The following EXTL3 variants were observed in gnomAD, a reference collection of about 807,000 sequenced individuals.
The protein encoded by EXTL3 is exostosin-like 3.
Under a neutral mutation model 69.3 loss-of-function variants are expected in EXTL3, and 27 were observed. That is an observed-to-expected ratio of 0.39 (90% CI 0.29 to 0.54). The LOEUF is 0.54. Ranked by LOEUF, EXTL3 falls within the 20% of genes least tolerant of loss-of-function variation. EXTL3 has a pLI of 0.69. For missense variants in EXTL3, 1,003 were observed against 1,231.8 expected (o/e 0.81, Z 2.78); for synonymous variants, 511 against 499.4 (o/e 1.02, Z -0.31).
At chr8:28,734,004 G>T (rs1172774493) in intron 4 of EXTL3, among the ~76,000 whole-genome samples, 1 of 151,738 alleles carries the variant, frequency 6.6e-6, no homozygotes, top group African/African-American at 2.4e-5. Flanking sequence ...TTTTAGTAGA[G>T]ACAGGGTTTC....
At chr8:28,697,945 A>G, upstream of EXTL3, 1 of 152,230 alleles carries the variant, frequency 6.6e-6, no homozygotes, top group Admixed American at 6.5e-5. Context: ...AAAATGTCAA[A>G]ATATGGAGAG....
intron 1 of EXTL3, among the ~76,000 whole-genome samples, chr8:28,707,540 G>GT (rs1800949027): frequency 6.6e-6 from 1 of 152,236 alleles, no homozygotes; most frequent in Admixed American, 6.5e-5. Context: ...GGATAGTGCT[G>GT]TTTGTCTTCC....
chr8:28,733,463 A>G (rs1048258378), intron 4 of EXTL3, among the ~76,000 whole-genome samples: 2 of 152,100 alleles, frequency 1.3e-5, no homozygotes, highest in Non-Finnish European at 2.9e-5. Flanking sequence ...CAGTGGTGCA[A>G]TCTTAGCATG....
intron 1 of EXTL3, among the ~76,000 whole-genome samples, chr8:28,708,678 T>C (rs1014606127): frequency 1.3e-5 from 2 of 152,160 alleles, no homozygotes; most frequent in African/African-American, 4.8e-5. Context: ...TGGAGAACTC[T>C]CTTTACCTAA....
chr8:28,676,556 T>A (rs1807385995), intron 1 of EXTL3, among the ~76,000 whole-genome samples: 1 of 152,230 alleles, frequency 6.6e-6, no homozygotes, highest in Admixed American at 6.5e-5. Context: ...AACTGGACAT[T>A]CTTAGGGCTC....
chr8:28,723,640 GTT>G (rs34831917), intron 3 of EXTL3, among the ~76,000 whole-genome samples: 11 of 120,894 alleles, frequency 9.1e-5, no homozygotes, highest in African/African-American at 9.3e-5. Context: ...GCTCAGGACT[GTT>G]TTTTTTTTTT....
upstream of EXTL3, chr8:28,697,512 C>T (rs992433018): frequency 6.6e-6 from 1 of 151,944 alleles, no homozygotes; most frequent in Non-Finnish European, 1.5e-5. Context: ...TCCTGCTTTT[C>T]CTAATTTTTG....
At chr8:28,689,315 G>A (rs981368727) in intron 1 of EXTL3, among the ~76,000 whole-genome samples, 3 of 151,914 alleles carry the variant, frequency 2.0e-5, no homozygotes, top group Non-Finnish European at 4.4e-5. Context: ...AACATTCTCC[G>A]GCTCCCCTAT....
intron 1 of EXTL3, among the ~76,000 whole-genome samples, chr8:28,693,267 A>T (rs2130681437): frequency 6.6e-6 from 1 of 150,934 alleles, no homozygotes; most frequent in East Asian, 2.0e-4. Flanking sequence ...CTCCTGCCTC[A>T]GGCTCCTAAG....
rs1191588878 is a variant in EXTL3 at position 28,752,995 on chromosome 8, C to T, written c.*2129C>T. On this transcript the variant is annotated 3_prime_UTR_variant, in exon 7 of 7. Transcript: ENST00000220562. Reference sequence around the variant, plus strand: ...GCCAGGGCCTCTCCCTTTAGTGGAGCCAGGTTGTCGGGCCCCGAATGTCAC... The same window carrying T: ...GCCAGGGCCTCTCCCTTTAGTGGAGTCAGGTTGTCGGGCCCCGAATGTCAC... 1.3e-5 allele frequency: 2 copies of T among 152,624 alleles called. No homozygotes were observed. Among genetic ancestry groups the T allele is most frequent in the African/African-American group, 4.8e-5 (2 of 41,426 alleles). 9.5% of individuals were successfully genotyped at this position (152,624 alleles called of 1,614,324 possible). A position where few individuals can be genotyped will look rare whatever the true frequency, so the allele number is the denominator to read the frequency against.
At position 28,694,646 on chromosome 8, in the gene EXTL3, G is replaced by A. The variant is rs566590535; in HGVS notation, c.-52-18811G>A. Among the ~76,000 whole-genome samples the A allele has an allele frequency of 5.3e-5, 8 of 152,248 alleles. No individual in the cohort carries two copies. The South Asian group carries it at 1.7e-3, about 32-fold the overall frequency. On this transcript the variant is annotated intron_variant, in intron 1 of 6. Coordinates refer to the EXTL3 transcript ENST00000523149. ...CATTTGTGACAAAGGACTAATAATG[G>A]TCCTTATTGTTTAGGGTCGTTAAAG...
chr8:28,745,301 C>G (rs1801866537), intron 6 of EXTL3, among the ~76,000 whole-genome samples: 2 of 152,204 alleles, frequency 1.3e-5, no homozygotes, highest in South Asian at 4.1e-4. Flanking sequence ...AACTGTGGCC[C>G]CTGCGTAGGA....
At chr8:28,637,773 A>G (rs1806679923) in intron 1 of EXTL3, among the ~76,000 whole-genome samples, 1 of 151,930 alleles carries the variant, frequency 6.6e-6, no homozygotes, top group African/African-American at 2.4e-5. Context: ...CATCCATCAA[A>G]ATCCGTCTTC....
intron 3 of EXTL3, among the ~76,000 whole-genome samples, chr8:28,719,794 A>AT (rs1202851846): frequency 1.3e-5 from 2 of 152,142 alleles, no homozygotes; most frequent in African/African-American, 4.8e-5. Flanking sequence ...ATTGTTTTCC[A>AT]TTTTTCCTGA....
In EXTL3 at chr8:28,691,572, A is replaced by ATTTTTTTTTTTTT. The variant is rs71222571; in HGVS notation, c.-52-21873_-52-21872insTTTTTTTTTTTTT. ...TGGTAAATATTTATCAGTTTTTGTGATTTTTTTTTTTTGCTATTGTGTTCC... is the reference window on the plus strand; with the variant it reads ...TGGTAAATATTTATCAGTTTTTGTGATTTTTTTTTTTTTTTTTTTTTTTTTGCTATTGTGTTCC... On this transcript the variant is annotated intron_variant, in intron 1 of 6. Coordinates refer to the EXTL3 transcript ENST00000523149. 1.8e-4 allele frequency among the ~76,000 whole-genome samples: 24 copies of ATTTTTTTTTTTTT among 135,482 alleles called. 3 individuals carry two copies. The highest frequency in any genetic ancestry group is 1.7e-3 in the South Asian group (8 of 4,608). The allele number at this position is 135,482 out of a possible 152,430, so 88.9% of individuals were successfully genotyped here. A position where few individuals can be genotyped will look rare whatever the true frequency, so the allele number is the denominator to read the frequency against.
rs758730179 is a variant in EXTL3 at position 28,717,340 on chromosome 8, C to T, written c.1281C>T (p.Leu427=). 5 of 1,614,102 alleles carry T rather than the reference C, an allele frequency of 3.1e-6. No homozygotes were observed. Among genetic ancestry groups the T allele is most frequent in the East Asian group, 2.2e-5 (1 of 44,876 alleles). ...EREDRLELLK[L]STFALIITPG... ...AGGACCGCTTGGAATTGCTGAAGCTCTCCACCTTCGCCCTCATCATTACCC... is the reference window on the plus strand; with the variant it reads ...AGGACCGCTTGGAATTGCTGAAGCTTTCCACCTTCGCCCTCATCATTACCC... Residue 427 remains leucine, a synonymous_variant, in exon 3 of 7, where the codon CTC becomes CTT. Transcript: ENST00000220562. This position sits in a 1 kb window ranked among gnomAD's most constrained non-coding sequence, Gnocchi z 8.3.
chr8:28,714,828 A>G (rs1291429289), intron 2 of EXTL3, among the ~76,000 whole-genome samples: 1 of 152,254 alleles, frequency 6.6e-6, no homozygotes, highest in South Asian at 2.1e-4. Context: ...AACGTGGTGC[A>G]TTGCCGTCTC....
At chr8:28,613,193 C>CT (rs1447129907) in intron 2 of EXTL3, among the ~76,000 whole-genome samples, 5 of 151,160 alleles carry the variant, frequency 3.3e-5, no homozygotes, top group Non-Finnish European at 4.4e-5. Flanking sequence ...TTTGTTTTTT[C>CT]TTTTTTTTGA....
intron 3 of EXTL3, among the ~76,000 whole-genome samples, chr8:28,726,171 G>A (rs986419883): frequency 1.3e-5 from 2 of 152,064 alleles, no homozygotes; most frequent in South Asian, 2.1e-4. Flanking sequence ...GGCCAGGATG[G>A]TCTGGATCTC....
Sources: gnomAD v4.1 joint callset for allele counts (sites outside exome capture counted in the v4.1 genomes callset) on GRCh38, gnomAD v4.1.1 for gene constraint, Gnocchi (gnomAD v3.1) non-coding constraint, MANE v1.5 for transcripts, NCBI Gene and HGNC (gene_info 2026-07-23, HGNC 2026-07-21) for gene names.